PIK3R3: variants seen among roughly 807,000 people sequenced by gnomAD.
The protein encoded by PIK3R3 is phosphoinositide-3-kinase regulatory subunit 3, also known as phosphatidylinositol 3-kinase regulatory subunit gamma.
PIK3R3 carries 64 observed loss-of-function variants against 62.9 expected under a neutral mutation model. The observed-to-expected ratio is 1.02, with a 90% confidence interval of 0.83 to 1.25. PIK3R3 has a LOEUF of 1.25. PIK3R3 is among the 50% of genes most tolerant of loss of function. The pLI is 0.00. For synonymous variants in PIK3R3, 165 were observed against 189.0 expected (o/e 0.87, Z 1.04); for missense variants, 614 against 561.6 (o/e 1.09, Z -0.94).
intron 1 of PIK3R3, among the ~76,000 whole-genome samples, chr1:46,087,382 G>T (rs1345818466): frequency 5.3e-5 from 8 of 151,888 alleles, no homozygotes; most frequent in Non-Finnish European, 1.0e-4. Context: ...GAGAATAGGG[G>T]TGAGCCCTAT....
In PIK3R3 at chr1:46,045,936, C is replaced by T. The variant is rs781782510; in HGVS notation, c.1169G>A (p.Cys390Tyr). The T allele has an allele frequency of 1.1e-5, 17 of 1,613,006 alleles. No homozygotes were observed. The Admixed American group carries it at 2.5e-4, about 24-fold the overall frequency. Reference sequence around the variant, plus strand: ...GACTTACACCACAGAGCAAGCATAGCATCCTTTCTTGCTACTCTCACGAAT... The same window carrying T: ...GACTTACACCACAGAGCAAGCATAGTATCCTTTCTTGCTACTCTCACGAAT... ...FLIRESSKKG[C>Y]YACSVVADGE... The change falls in exon 9 of 10, where the codon TGC becomes TAC. Residue 390 changes from cysteine (C) to tyrosine (Y), a missense_variant. By Grantham distance (194) the Cys-to-Tyr change is radical (BLOSUM62 -2). Coordinates refer to ENST00000262741, the MANE Select transcript of PIK3R3 (RefSeq NM_003629.4).
At chr1:46,104,635 A>G (rs1653011990) in intron 1 of PIK3R3, among the ~76,000 whole-genome samples, 1 of 152,124 alleles carries the variant, frequency 6.6e-6, no homozygotes, top group Admixed American at 6.5e-5. Context: ...CCTTGGTTGA[A>G]AATGCACTAA....
At chr1:46,150,512 G>C in the PIK3R3 span, among the ~76,000 whole-genome samples, 2 of 152,120 alleles carry the variant, frequency 1.3e-5, no homozygotes, top group Non-Finnish European at 2.9e-5. Context: ...TAAAGAGTCT[G>C]GGTTTCCCGT....
At chr1:46,097,104 A>G (rs1237818928) in intron 1 of PIK3R3, among the ~76,000 whole-genome samples, 1 of 152,216 alleles carries the variant, frequency 6.6e-6, no homozygotes, top group Admixed American at 6.5e-5. Context: ...ATAGGATTAT[A>G]TATCATGACC....
rs1398316375 is a variant in PIK3R3, at chr1:46,041,377, A to C, written c.*2296T>G. ...AACAATGAATTCAAGAATGAAAAAAAAAATGAAGGAATGTAGGACTGAAAA... is the reference window on the plus strand; with the variant it reads ...AACAATGAATTCAAGAATGAAAAAACAAATGAAGGAATGTAGGACTGAAAA... On this transcript the variant is annotated 3_prime_UTR_variant, in exon 10 of 10. Transcript: ENST00000262741. The C allele has an allele frequency of 1.2e-5, 2 of 170,680 alleles. No homozygotes were observed. The highest frequency in any genetic ancestry group is 2.5e-5 in the Non-Finnish European group (2 of 78,454). The allele number at this position is 170,680 out of a possible 1,614,324, so 10.6% of individuals were successfully genotyped here.
At chr1:46,124,657 G>A (rs953756303) in intron 1 of PIK3R3, among the ~76,000 whole-genome samples, 8 of 152,104 alleles carry the variant, frequency 5.3e-5, no homozygotes, top group East Asian at 3.9e-4. Flanking sequence ...TCAGCTGGGC[G>A]TGGTGGCACA....
At chr1:46,097,334 A>G (rs1377491708) in intron 1 of PIK3R3, among the ~76,000 whole-genome samples, 1 of 152,164 alleles carries the variant, frequency 6.6e-6, no homozygotes, top group African/African-American at 2.4e-5. Context: ...CCTTGAGGCC[A>G]AGAGTTCAAG....
At chr1:46,128,321 CA>C (rs1270764271) in intron 1 of PIK3R3, among the ~76,000 whole-genome samples, 4 of 152,092 alleles carry the variant, frequency 2.6e-5, no homozygotes, top group African/African-American at 9.6e-5. Context: ...TGTGTAGTCC[CA>C]GCTACTCGGG....
intron 1 of PIK3R3, chr1:46,104,925 C>CAAAAAAA (rs757829828): frequency 5.0e-4 from 97 of 195,728 alleles, no homozygotes; most frequent in South Asian, 8.4e-4. Flanking sequence ...AAGACTCCAT[C>CAAAAAAA]AAAAAAAAAA....
intron 7 of PIK3R3, among the ~76,000 whole-genome samples, chr1:46,052,055 G>A (rs1014773917): frequency 1.3e-5 from 2 of 151,888 alleles, no homozygotes; most frequent in African/African-American, 4.8e-5. Flanking sequence ...GGAGAATGGC[G>A]TGAACCCGGG....
At chr1:46,142,385 C>T in the PIK3R3 span, among the ~76,000 whole-genome samples, 30 of 152,172 alleles carry the variant, frequency 2.0e-4, no homozygotes, top group African/African-American at 6.5e-4. Flanking sequence ...GAGAGCACAT[C>T]GCTCTTTGAG....
In PIK3R3 at chr1:46,042,908, ACT is replaced by A. The variant is rs1170595475; in HGVS notation, c.*763_*764del. Reference sequence around the variant, plus strand: ...GTGATCAATTTTAGCGTTTGCTAAAACTCACAAATTCTAGTCTTTTTATGTTC... The same window carrying A: ...GTGATCAATTTTAGCGTTTGCTAAAACACAAATTCTAGTCTTTTTATGTTC... On this transcript the variant is annotated 3_prime_UTR_variant, in exon 10 of 10. Coordinates refer to ENST00000262741, the MANE Select transcript of PIK3R3 (RefSeq NM_003629.4). This position sits in a 1 kb window ranked among gnomAD's most constrained non-coding sequence, Gnocchi z 4.3. 1 of 204,256 alleles carries A rather than the reference ACT, an allele frequency of 4.9e-6. No individual in the cohort carries two copies. The highest frequency in any genetic ancestry group is 7.5e-5 in the East Asian group (1 of 13,278). The allele number at this position is 204,256 out of a possible 1,614,324, so 12.7% of individuals were successfully genotyped here. A position where few individuals can be genotyped will look rare whatever the true frequency, so the allele number is the denominator to read the frequency against.
chr1:46,054,708 TTA>T (rs1054504402), intron 7 of PIK3R3, among the ~76,000 whole-genome samples: 2 of 152,196 alleles, frequency 1.3e-5, no homozygotes, highest in Non-Finnish European at 1.5e-5. Flanking sequence ...AAGCAGTTAT[TTA>T]TGTTTCTAAA....
chr1:46,041,672 C>A lies in PIK3R3; in HGVS notation c.*2001G>T, dbSNP rs41309177. 5.3e-6 allele frequency: 1 copy of A among 188,812 alleles called. No homozygotes were observed. The highest frequency in any genetic ancestry group is 1.1e-5 in the Non-Finnish European group (1 of 89,404). The allele number at this position is 188,812 out of a possible 1,614,324, so 11.7% of individuals were successfully genotyped here. Reference sequence around the variant, plus strand: ...TGCAAAGCCATCCAGGTGTGCCCAACAGCAATTAGCTTGGTATTATTCAGT... The same window carrying A: ...TGCAAAGCCATCCAGGTGTGCCCAAAAGCAATTAGCTTGGTATTATTCAGT... On this transcript the variant is annotated 3_prime_UTR_variant, in exon 10 of 10. Coordinates refer to ENST00000262741, the MANE Select transcript of PIK3R3 (RefSeq NM_003629.4).
chr1:46,116,220 A>G (rs1423662309), intron 1 of PIK3R3, among the ~76,000 whole-genome samples: 1 of 152,158 alleles, frequency 6.6e-6, no homozygotes, highest in African/African-American at 2.4e-5. Context: ...ATCAATAATA[A>G]TGAAAATAGG....
chr1:46,086,233 G>C (rs565363889), intron 1 of PIK3R3, among the ~76,000 whole-genome samples: 22 of 152,252 alleles, frequency 1.4e-4, no homozygotes, highest in African/African-American at 5.3e-4. Context: ...AATAGGGATG[G>C]GGAACAGCAG....
chr1:46,049,327 A>G (rs1421090191), intron 7 of PIK3R3, among the ~76,000 whole-genome samples: 1 of 152,202 alleles, frequency 6.6e-6, no homozygotes, highest in Non-Finnish European at 1.5e-5. Context: ...CCACACTTTA[A>G]GAAGAGAGTT....
chr1:46,105,855 A>G (rs1653157140), intron 1 of PIK3R3, among the ~76,000 whole-genome samples: 2 of 152,146 alleles, frequency 1.3e-5, no homozygotes, highest in Non-Finnish European at 2.9e-5. Flanking sequence ...AAAAAAATAA[A>G]TTAATTAATT....
rs1456986930 is a variant in PIK3R3 at position 46,042,502 on chromosome 1, G to A, written c.*1171C>T. 4.6e-6 allele frequency: 1 copy of A among 218,746 alleles called. No individual in the cohort carries two copies. 13.6% of individuals were successfully genotyped at this position (218,746 alleles called of 1,614,324 possible). A position where few individuals can be genotyped will look rare whatever the true frequency, so the allele number is the denominator to read the frequency against. The stretch of plus-strand genomic sequence containing the variant: ...GCCCCTGGGTCTGTGATTTACTGAG[G>A]CACCTGACCACAATCTGACTCCCCT... On this transcript the variant is annotated 3_prime_UTR_variant, in exon 10 of 10. Coordinates refer to ENST00000262741, the MANE Select transcript of PIK3R3 (RefSeq NM_003629.4). This position sits in a 1 kb window ranked among gnomAD's most constrained non-coding sequence, Gnocchi z 4.3.
Sources: gnomAD v4.1 joint callset for allele counts (sites outside exome capture counted in the v4.1 genomes callset) on GRCh38, gnomAD v4.1.1 for gene constraint, Gnocchi (gnomAD v3.1) non-coding constraint, MANE v1.5 for transcripts, NCBI Gene and HGNC (gene_info 2026-07-23, HGNC 2026-07-21) for gene names.